The following BCL2 variants were observed in gnomAD, a reference collection of about 807,000 sequenced individuals.
BCL2 encodes apoptosis regulator Bcl-2.
In BCL2, 1 loss-of-function variant was observed where a neutral mutation model predicts 14.2. The observed-to-expected ratio is 0.07, with a 90% confidence interval of 0.02 to 0.33. The LOEUF is 0.33. Ranked by LOEUF, BCL2 falls within the 10% of genes least tolerant of loss-of-function variation. The probability of loss-of-function intolerance (pLI) is 0.99; values close to 1 mark genes in which losing one functional copy is unlikely to be tolerated. For synonymous variants in BCL2, 151 were observed against 137.2 expected (o/e 1.10, Z -0.70); for missense variants, 247 against 305.9 (o/e 0.81, Z 1.44).
At chr18:63,216,791 G>T (rs1228642365) in intron 2 of BCL2, among the ~76,000 whole-genome samples, 1 of 152,208 alleles carries the variant, frequency 6.6e-6, no homozygotes, top group Non-Finnish European at 1.5e-5. Flanking sequence ...ACCAAAAAAA[G>T]ATTCCAATGT....
intron 2 of BCL2, among the ~76,000 whole-genome samples, chr18:63,296,510 C>A (rs1443728112): frequency 6.6e-6 from 1 of 152,156 alleles, no homozygotes; most frequent in Non-Finnish European, 1.5e-5. Context: ...TGCTAAGTTG[C>A]TCAAGCTAGT....
intron 2 of BCL2, among the ~76,000 whole-genome samples, chr18:63,261,434 A>G (rs1402082734): frequency 2.0e-5 from 3 of 152,222 alleles, no homozygotes; most frequent in Admixed American, 6.5e-5. Flanking sequence ...CTGAAGGAGT[A>G]AGGAGCAAGA....
chr18:63,180,049 C>T (rs540889044), intron 2 of BCL2, among the ~76,000 whole-genome samples: 8 of 152,318 alleles, frequency 5.3e-5, no homozygotes, highest in South Asian at 4.1e-4. Flanking sequence ...TGGCCATCTA[C>T]GCAATCTATC....
Position 63,127,955 on chromosome 18 carries a change from C to T in BCL2, c.*670G>A, listed in dbSNP as rs4987845. ...GGGCATTTTTCCCATCGCTGTCCTT[C>T]GGCGTGGAAATCTCAGTGGGTACTA... On this transcript the variant is annotated 3_prime_UTR_variant, in exon 3 of 3. Coordinates refer to ENST00000333681, the MANE Select transcript of BCL2 (RefSeq NM_000633.3). 14,271 of 225,312 alleles carry T rather than the reference C, an allele frequency of 0.063. 605 individuals are homozygous for T. The highest frequency in any genetic ancestry group is 0.093 in the Non-Finnish European group (10,503 of 112,728). The allele number at this position is 225,312 out of a possible 1,614,324, so 14.0% of individuals were successfully genotyped here.
At chr18:63,165,462 A>T (rs1915020756) in intron 2 of BCL2, among the ~76,000 whole-genome samples, 1 of 152,132 alleles carries the variant, frequency 6.6e-6, no homozygotes, top group Admixed American at 6.5e-5. Flanking sequence ...AGCCGCAGGC[A>T]TCTTCTGTGT....
chr18:63,280,614 A>T (rs1758914839), intron 2 of BCL2, among the ~76,000 whole-genome samples: 1 of 152,220 alleles, frequency 6.6e-6, no homozygotes, highest in African/African-American at 2.4e-5. Flanking sequence ...GGAAGATCCA[A>T]ATCAAAACCA....
At chr18:63,300,874 T>C (rs1356563790) in intron 2 of BCL2, among the ~76,000 whole-genome samples, 3 of 152,194 alleles carry the variant, frequency 2.0e-5, no homozygotes, top group Non-Finnish European at 2.9e-5. Context: ...AAATAATTCT[T>C]TGAATAATTT....
At chr18:63,251,830 C>G (rs1359155617) in intron 2 of BCL2, among the ~76,000 whole-genome samples, 1 of 151,554 alleles carries the variant, frequency 6.6e-6, no homozygotes, top group African/African-American at 2.4e-5. Context: ...TCCCAAGTAG[C>G]TGGGATTACA....
At chr18:63,131,987 G>A (rs1425603389) in intron 2 of BCL2, among the ~76,000 whole-genome samples, 2 of 152,164 alleles carry the variant, frequency 1.3e-5, no homozygotes, top group Admixed American at 6.5e-5. Flanking sequence ...AAATAACAGT[G>A]CTTCTCATGA....
chr18:63,139,364 G>A (rs1192977013), intron 2 of BCL2, among the ~76,000 whole-genome samples: 2 of 152,328 alleles, frequency 1.3e-5, no homozygotes, highest in African/African-American at 4.8e-5. Flanking sequence ...ACTAAAGGCC[G>A]TATCTATATG....
chr18:63,147,154 G>A (rs1892239208), intron 2 of BCL2, among the ~76,000 whole-genome samples: 1 of 152,166 alleles, frequency 6.6e-6, no homozygotes, highest in Non-Finnish European at 1.5e-5. Context: ...AAGCTGTGGG[G>A]TCTGAGTGTC....
At chr18:63,197,509 A>T (rs1008157552) in intron 2 of BCL2, among the ~76,000 whole-genome samples, 2 of 152,306 alleles carry the variant, frequency 1.3e-5, no homozygotes, top group Non-Finnish European at 2.9e-5. Context: ...ATTTTCAGTG[A>T]CAATCCTCTG....
intron 2 of BCL2, among the ~76,000 whole-genome samples, chr18:63,266,871 G>GTT (rs1911848344): frequency 1.3e-5 from 2 of 152,080 alleles, no homozygotes; most frequent in Non-Finnish European, 2.9e-5. Flanking sequence ...AAGCCTTTAG[G>GTT]TCAGTGCCTG....
At chr18:63,300,426 CA>C (rs994353745) in intron 2 of BCL2, among the ~76,000 whole-genome samples, 16 of 150,402 alleles carry the variant, frequency 1.1e-4, no homozygotes, top group African/African-American at 3.7e-4. Context: ...GAGAAAAAAA[CA>C]AAAAAGAAAG....
intron 2 of BCL2, among the ~76,000 whole-genome samples, chr18:63,267,402 G>T (rs1450578870): frequency 1.3e-5 from 2 of 152,154 alleles, no homozygotes; most frequent in Non-Finnish European, 2.9e-5. Context: ...ATGGAGTGGG[G>T]AAGACACAAA....
chr18:63,258,724 A>G (rs1440305679), intron 2 of BCL2, among the ~76,000 whole-genome samples: 1 of 152,192 alleles, frequency 6.6e-6, no homozygotes, highest in East Asian at 1.9e-4. Flanking sequence ...ATTGGCCTGG[A>G]CCTCAAAGTA....
chr18:63,233,398 G>T (rs982345427), intron 2 of BCL2, among the ~76,000 whole-genome samples: 1 of 152,120 alleles, frequency 6.6e-6, no homozygotes, highest in African/African-American at 2.4e-5. Flanking sequence ...CTTGCAAAAT[G>T]ATACTAGTTA....
At chr18:63,243,134 A>G (rs1911056293) in intron 2 of BCL2, among the ~76,000 whole-genome samples, 1 of 152,208 alleles carries the variant, frequency 6.6e-6, no homozygotes. Context: ...CTGGATAAAG[A>G]AAATTTGGTA....
chr18:63,288,870 A>T (rs987160725), intron 2 of BCL2, among the ~76,000 whole-genome samples: 5 of 152,236 alleles, frequency 3.3e-5, no homozygotes, highest in African/African-American at 1.2e-4. Flanking sequence ...GGTGAGTCTA[A>T]GGAAGAATCT....
Sources: allele counts gnomAD v4.1 joint callset (sites outside exome capture counted in the v4.1 genomes callset), GRCh38; gene constraint gnomAD v4.1.1; transcripts MANE v1.5; gene names NCBI Gene and HGNC (gene_info 2026-07-23, HGNC 2026-07-21).